MICALL2: variants seen among roughly 807,000 people sequenced by gnomAD.
MICALL2 encodes MICAL like 2.
In MICALL2, 111 loss-of-function variants were observed where a neutral mutation model predicts 91.1. That is an observed-to-expected ratio of 1.22 (90% CI 1.04 to 1.43). MICALL2 has a LOEUF of 1.43. Among genes scored for constraint, MICALL2 ranks in the 40% most tolerant of loss-of-function variants. The probability of loss-of-function intolerance (pLI) is 0.00; values close to 1 mark genes in which losing one functional copy is unlikely to be tolerated. For synonymous variants in MICALL2, 694 were observed against 525.3 expected (o/e 1.32, Z -4.39); for missense variants, 1,556 against 1,236.0 (o/e 1.26, Z -3.88).
In MICALL2 at chr7:1,442,254, G is replaced by A. The variant is rs771731749; in HGVS notation, c.1649C>T (p.Ala550Val). The A allele has an allele frequency of 1.2e-5, 20 of 1,612,846 alleles. No homozygotes were observed. The South Asian group carries it at 2.1e-4, about 17-fold the overall frequency. ...GGCCTCTGGCTTCGGCCTGGAGCCA[G>A]CACCCACCCTGCCGACCCCTGAGGA... ...AESSGVGRVG[A>V]GSRPKPEAPM... The change falls in exon 7 of 17, where the codon GCT (alanine) becomes GTT (valine). Residue 550 changes from alanine (A) to valine (V), a missense_variant. Coordinates refer to ENST00000297508, the MANE Select transcript of MICALL2 (RefSeq NM_182924.4).
At chr7:1,436,318 G>A (rs189646923) in intron 15 of MICALL2, among the ~76,000 whole-genome samples, 4,284 of 151,458 alleles carry the variant, frequency 0.028, 58 homozygotes, top group Middle Eastern at 0.065. Context: ...GCAGACGGAG[G>A]TTGCAGTGAG....
rs1780242767 is a variant in MICALL2 at position 1,440,758 on chromosome 7, C to A, written c.1712-74G>T. 3.1e-6 allele frequency: 4 copies of A among 1,286,102 alleles called. No homozygotes were observed. The South Asian group carries it at 3.6e-5, about 12-fold the overall frequency. The allele number at this position is 1,286,102 out of a possible 1,614,324, so 79.7% of individuals were successfully genotyped here. On this transcript the variant is annotated intron_variant, in intron 7 of 16. Transcript: ENST00000297508. ...GGGGTGTCTGCAAGGGTGGCTGTGCCTCCCCCTGCCATCTTCCCATAGCCA... is the reference window on the plus strand; with the variant it reads ...GGGGTGTCTGCAAGGGTGGCTGTGCATCCCCCTGCCATCTTCCCATAGCCA...
intron 1 of MICALL2, among the ~76,000 whole-genome samples, chr7:1,456,794 G>A (rs1291974114): frequency 6.6e-6 from 1 of 152,050 alleles, no homozygotes; most frequent in East Asian, 1.9e-4. Context: ...AAGGGCCCAG[G>A]CACCCATACA....
intron 5 of MICALL2, among the ~76,000 whole-genome samples, chr7:1,446,352 AGG>A (rs1780579119): frequency 6.5e-4 from 1 of 1,528 alleles, no homozygotes; most frequent in Non-Finnish European, 1.4e-3. Context: ...AGGAGGGGGG[AGG>A]AGGGAGAGGA....
chr7:1,440,710 T>A, intron 7 of MICALL2, 26 bp from the exon 8 acceptor site: 1 of 1,592,860 alleles, frequency 6.3e-7, no homozygotes, highest in Non-Finnish European at 8.6e-7. Context: ...GGGGTCTGGG[T>A]GTGAGGAAGG....
intron 6 of MICALL2, among the ~76,000 whole-genome samples, chr7:1,443,820 G>C (rs1780426699): frequency 6.6e-6 from 1 of 152,210 alleles, no homozygotes. Flanking sequence ...GCAGAGCTGT[G>C]AGGGGGTGGA....
intron 1 of MICALL2, among the ~76,000 whole-genome samples, chr7:1,455,258 G>T (rs1034307287): frequency 2.6e-5 from 4 of 152,352 alleles, no homozygotes; most frequent in Middle Eastern, 3.4e-3. Context: ...CTCCAGCCCC[G>T]ACAGGCTGAC....
chr7:1,438,984 A>AG lies in MICALL2; in HGVS notation c.1977dup (p.Ser660LeufsTer18). On this transcript the variant is annotated frameshift_variant, in exon 10 of 17. Transcript: ENST00000297508. LOFTEE classifies it high-confidence loss of function. ...GCCAGTCTCCTGCGGCGGGGTGGGGAGGGGGACCTGGCTGCCCCCAGGTGG... is the reference window on the plus strand; with the variant it reads ...GCCAGTCTCCTGCGGCGGGGTGGGGAGGGGGGACCTGGCTGCCCCCAGGTGG... 1 of 1,593,598 alleles carries AG rather than the reference A, an allele frequency of 6.3e-7. No individual in the cohort carries two copies. The highest frequency in any genetic ancestry group is 1.3e-5 in the African/African-American group (1 of 74,834).
Position 1,445,325 on chromosome 7 carries a change from T to C in MICALL2, c.745A>G (p.Ser249Gly). 6.2e-7 allele frequency: 1 copy of C among 1,610,228 alleles called. No individual in the cohort carries two copies. The highest frequency in any genetic ancestry group is 8.5e-7 in the Non-Finnish European group (1 of 1,179,568). Residue 249 changes from serine (S) to glycine (G), a missense_variant, in exon 6 of 17, where the codon AGC (serine) becomes GGC (glycine). By Grantham distance (56) the Ser-to-Gly change is moderately conservative (BLOSUM62 0). Coordinates refer to ENST00000297508, the MANE Select transcript of MICALL2 (RefSeq NM_182924.4). ...TSHLPAAASA[S>G]PKLTGLVPRQ... ...GGGACCAGACCCGTCAACTTGGGGCTTGCAGAGGCGGCTGCGGGGAGGTGG... is the reference window on the plus strand; with the variant it reads ...GGGACCAGACCCGTCAACTTGGGGCCTGCAGAGGCGGCTGCGGGGAGGTGG...
chr7:1,455,678 G>A (rs1395684189), intron 1 of MICALL2, among the ~76,000 whole-genome samples: 3 of 151,932 alleles, frequency 2.0e-5, no homozygotes, highest in East Asian at 3.9e-4. Flanking sequence ...AGGAGCCCGG[G>A]TGCCCCACCT....
chr7:1,453,460 C>T (rs930639532), intron 1 of MICALL2, among the ~76,000 whole-genome samples: 3 of 152,158 alleles, frequency 2.0e-5, no homozygotes, highest in African/African-American at 7.2e-5. Context: ...CTGCTCACAC[C>T]TCCGTCCGGG....
intron 5 of MICALL2, among the ~76,000 whole-genome samples, chr7:1,445,692 C>T (rs898505465): frequency 7.9e-5 from 12 of 152,236 alleles, no homozygotes; most frequent in Non-Finnish European, 1.6e-4. Flanking sequence ...CACCAAAAAC[C>T]TCGTTTGGGG....
At chr7:1,436,248 G>A (rs1479622259) in intron 15 of MICALL2, among the ~76,000 whole-genome samples, 6 of 151,936 alleles carry the variant, frequency 3.9e-5, no homozygotes, top group East Asian at 1.9e-4. Flanking sequence ...AAAATTAGCC[G>A]GGCATGGTGG....
chr7:1,459,374 C>A lies in MICALL2; in HGVS notation c.-48G>T. ...GGCGGAACCGCCCTCCGACACCTTCCCGCGGCTGTGCCGCGACCGCCCGGC... is the reference window on the plus strand; with the variant it reads ...GGCGGAACCGCCCTCCGACACCTTCACGCGGCTGTGCCGCGACCGCCCGGC... On this transcript the variant is annotated 5_prime_UTR_variant, in exon 1 of 17. Transcript: ENST00000297508. 7.1e-7 allele frequency: 1 copy of A among 1,414,028 alleles called. No individual in the cohort carries two copies. Among genetic ancestry groups the A allele is most frequent in the Non-Finnish European group, 9.2e-7 (1 of 1,085,736 alleles). The allele number at this position is 1,414,028 out of a possible 1,614,324, so 87.6% of individuals were successfully genotyped here.
At position 1,440,690 on chromosome 7, in the gene MICALL2, T is replaced by G. The variant is rs571263191; in HGVS notation, c.1712-6A>C. ...CTGGAGGCTGGTGCTCATGTCTGGG[T>G]GGGAGGCAAGGGGTCTGGGTGTGAG... On this transcript the variant is annotated splice_region_variant and splice_polypyrimidine_tract_variant and intron_variant, in intron 7 of 16. Transcript: ENST00000297508. 2 of 1,610,076 alleles carry G rather than the reference T, an allele frequency of 1.2e-6. No homozygotes were observed. The highest frequency in any genetic ancestry group is 8.5e-7 in the Non-Finnish European group (1 of 1,179,262).
At chr7:1,440,761 C>A in intron 7 of MICALL2, 77 bp from the exon 8 acceptor site, 1 of 1,245,800 alleles carries the variant, frequency 8.0e-7, no homozygotes, top group Non-Finnish European at 1.2e-6. Context: ...GCTGTGCCTC[C>A]CCCTGCCATC....
In MICALL2 at chr7:1,449,879, C is replaced by T. The variant is rs554873286; in HGVS notation, c.192+361G>A. ...CATGTGGTGGGAGTGGCAGCAGGCC[C>T]ACTGGGACCCATCCACAGCCCCCCA... On this transcript the variant is annotated intron_variant, in intron 2 of 16. Coordinates refer to ENST00000297508, the MANE Select transcript of MICALL2 (RefSeq NM_182924.4). Among the ~76,000 whole-genome samples, 13 of 152,350 alleles carry T rather than the reference C, an allele frequency of 8.5e-5. No individual in the cohort carries two copies. The East Asian group carries it at 2.5e-3, about 29-fold the overall frequency.
chr7:1,457,629 A>C (rs1781067570), intron 1 of MICALL2, among the ~76,000 whole-genome samples: 1 of 152,186 alleles, frequency 6.6e-6, no homozygotes, highest in Non-Finnish European at 1.5e-5. Context: ...ATGCACATGC[A>C]CCTGTGCTCA....
At chr7:1,440,383 C>G in intron 8 of MICALL2, 1 of 634,960 alleles carries the variant, frequency 1.6e-6, no homozygotes, top group Non-Finnish European at 2.8e-6. Context: ...ACGGGTGCTG[C>G]CATGCCCAGG....
Sources: allele counts gnomAD v4.1 joint callset (sites outside exome capture counted in the v4.1 genomes callset), GRCh38; gene constraint gnomAD v4.1.1; transcripts MANE v1.5; gene names NCBI Gene and HGNC (gene_info 2026-07-23, HGNC 2026-07-21).